Variants in UQCC1 observed in about 807,000 individuals in gnomAD.
UQCC1 encodes bFGF-repressed Zic-binding protein.
Under a neutral mutation model 48.0 loss-of-function variants are expected in UQCC1, and 38 were observed. The observed-to-expected ratio is 0.79, with a 90% CI of 0.61 to 1.04. The LOEUF is 1.04. Ranked by LOEUF, UQCC1 falls within the 50% of genes least tolerant of loss-of-function variation. The probability of loss-of-function intolerance (pLI) is 0.00; values close to 1 mark genes in which losing one functional copy is unlikely to be tolerated. For synonymous variants in UQCC1, 111 were observed against 129.2 expected (o/e 0.86, Z 0.95); for missense variants, 368 against 381.8 (o/e 0.96, Z 0.30).
At chr20:35,387,108 C>A (rs2061953737) in intron 2 of UQCC1, among the ~76,000 whole-genome samples, 1 of 151,588 alleles carries the variant, frequency 6.6e-6, no homozygotes, top group South Asian at 2.1e-4. Context: ...AAACCACCAT[C>A]TCTACCCCCC....
At chr20:35,342,390 G>GT (rs2061390920) in intron 7 of UQCC1, among the ~76,000 whole-genome samples, 1 of 152,180 alleles carries the variant, frequency 6.6e-6, no homozygotes, top group African/African-American at 2.4e-5. Flanking sequence ...TTTTATGTTT[G>GT]TTTTTTAAGT....
intron 7 of UQCC1, 126 bp from the exon 8 acceptor site, chr20:35,314,891 G>C (rs1259133723): frequency 3.2e-6 from 2 of 617,412 alleles, no homozygotes; most frequent in Non-Finnish European, 5.3e-6. Context: ...AACAAGTCAA[G>C]CTGCCAGTCC....
chr20:35,379,890 A>C (rs189705933), intron 4 of UQCC1, among the ~76,000 whole-genome samples: 6 of 152,328 alleles, frequency 3.9e-5, no homozygotes, highest in African/African-American at 1.4e-4. Context: ...TTAAAATGCA[A>C]ACATTAGGGA....
chr20:35,315,047 A>T (rs2061041861), intron 7 of UQCC1: 1 of 234,674 alleles, frequency 4.3e-6, no homozygotes, highest in Non-Finnish European at 8.6e-6. Flanking sequence ...CAAGTATAAG[A>T]AACAGTTTCT....
intron 7 of UQCC1, among the ~76,000 whole-genome samples, chr20:35,316,119 G>C (rs2061055880): frequency 6.6e-6 from 1 of 152,182 alleles, no homozygotes; most frequent in South Asian, 2.1e-4. Flanking sequence ...CAGAAAGCCA[G>C]TGCAATGTAT....
At chr20:35,355,158 C>G (rs1299236164) in intron 6 of UQCC1, among the ~76,000 whole-genome samples, 1 of 151,944 alleles carries the variant, frequency 6.6e-6, no homozygotes, top group Non-Finnish European at 1.5e-5. Flanking sequence ...AGGCAGTGGC[C>G]CCAGATGGGA....
At chr20:35,386,405 T>C (rs551979522) in intron 2 of UQCC1, 164 of 434,968 alleles carry the variant, frequency 3.8e-4, no homozygotes, top group Non-Finnish European at 6.7e-4. Flanking sequence ...GAAGAAAAAA[T>C]AGAATTTCTA....
chr20:35,326,607 T>C (rs914248839), intron 7 of UQCC1, among the ~76,000 whole-genome samples: 6 of 152,160 alleles, frequency 3.9e-5, no homozygotes, highest in Non-Finnish European at 1.5e-5. Flanking sequence ...TAGGTCGGTA[T>C]CATTACTCCG....
chr20:35,396,088 G>A (rs533712285), intron 1 of UQCC1, among the ~76,000 whole-genome samples: 6 of 148,668 alleles, frequency 4.0e-5, no homozygotes, highest in East Asian at 2.0e-4. Context: ...GGGTTCAAGC[G>A]ATTCTTACGC....
chr20:35,339,832 A>G (rs972934075), intron 7 of UQCC1, among the ~76,000 whole-genome samples: 3 of 152,076 alleles, frequency 2.0e-5, no homozygotes, highest in Non-Finnish European at 2.9e-5. Context: ...AAGATTCAGC[A>G]TTTTGCACAA....
chr20:35,345,349 C>T (rs1292124234), intron 7 of UQCC1: 2 of 152,152 alleles, frequency 1.3e-5, no homozygotes, highest in Admixed American at 1.3e-4. Flanking sequence ...TCTCCGAGTA[C>T]ACAATGTTGG....
At chr20:35,309,623 A>C (rs2060968509) in intron 8 of UQCC1, among the ~76,000 whole-genome samples, 1 of 152,146 alleles carries the variant, frequency 6.6e-6, no homozygotes. Context: ...ATTTCCCCCC[A>C]ATCTAATCGG....
At chr20:35,329,285 G>A (rs2061231098) in intron 7 of UQCC1, among the ~76,000 whole-genome samples, 3 of 152,152 alleles carry the variant, frequency 2.0e-5, no homozygotes, top group South Asian at 2.1e-4. Flanking sequence ...AGAAGCAGCC[G>A]ACAGTGAGTT....
At chr20:35,387,007 T>C (rs939586766) in intron 2 of UQCC1, among the ~76,000 whole-genome samples, 7 of 152,126 alleles carry the variant, frequency 4.6e-5, no homozygotes, top group Non-Finnish European at 1.0e-4. Flanking sequence ...CTGGGCGTGG[T>C]GGCTGACGCC....
At chr20:35,355,392 G>A (rs1026470403) in intron 6 of UQCC1, among the ~76,000 whole-genome samples, 5 of 152,188 alleles carry the variant, frequency 3.3e-5, no homozygotes, top group African/African-American at 1.2e-4. Context: ...CCAATCACCA[G>A]TACAACATTC....
chr20:35,371,472 G>T (rs1487288327), intron 5 of UQCC1, among the ~76,000 whole-genome samples: 1 of 151,342 alleles, frequency 6.6e-6, no homozygotes, highest in Non-Finnish European at 1.5e-5. Context: ...CGAGTAGCTG[G>T]GATTAGAGGC....
intron 5 of UQCC1, among the ~76,000 whole-genome samples, chr20:35,370,206 A>AAT (rs143026020): frequency 0.024 from 3,660 of 151,870 alleles, 139 homozygotes; most frequent in African/African-American, 0.085. Context: ...CTTGGGAAGC[A>AAT]ATATATATAT....
chr20:35,345,985 C>T (rs2061427879), intron 7 of UQCC1: 1 of 152,106 alleles, frequency 6.6e-6, no homozygotes, highest in Non-Finnish European at 1.5e-5. Context: ...AAAGAAGATA[C>T]TAGTGGGAGG....
At chr20:35,366,710 T>C (rs560734501) in intron 5 of UQCC1, 96 bp from the exon 6 acceptor site, 2 of 1,066,658 alleles carry the variant, frequency 1.9e-6, no homozygotes, top group Admixed American at 1.9e-5. Context: ...TATGGTGCTC[T>C]CTGATTATGC....
Sources: allele counts gnomAD v4.1 joint callset (sites outside exome capture counted in the v4.1 genomes callset), GRCh38; gene constraint gnomAD v4.1.1; transcripts MANE v1.5; gene names NCBI Gene and HGNC (gene_info 2026-07-23, HGNC 2026-07-21).